The following KCND2 variants were observed in gnomAD, a reference collection of about 807,000 sequenced individuals.
KCND2 encodes A-type voltage-gated potassium channel KCND2.
A neutral mutation model predicts 54.4 loss-of-function variants in KCND2; 16 were observed. The observed-to-expected ratio is 0.29, with a 90% confidence interval of 0.20 to 0.45. The LOEUF (loss-of-function observed/expected upper bound fraction) is 0.45, where lower values mean the gene tolerates loss of function less well. KCND2 is among the 20% of genes least tolerant of loss of function. The pLI is 1.00. For synonymous variants in KCND2, 317 were observed against 310.7 expected (o/e 1.02, Z -0.21); for missense variants, 486 against 824.2 (o/e 0.59, Z 5.02).
At chr7:120,694,957 C>G (rs964328318) in intron 1 of KCND2, among the ~76,000 whole-genome samples, 1 of 152,122 alleles carries the variant, frequency 6.6e-6, no homozygotes, top group South Asian at 2.1e-4. Context: ...TACTGTAGCA[C>G]TTTTGGTCTT....
chr7:120,295,377 CACACACACACACACAG>C (rs768687978), intron 1 of KCND2, among the ~76,000 whole-genome samples: 34 of 142,824 alleles, frequency 2.4e-4, no homozygotes, highest in African/African-American at 6.8e-4. Context: ...CACACACACA[CACACACACACACACAG>C]ACACACACAC....
intron 1 of KCND2, among the ~76,000 whole-genome samples, chr7:120,568,852 G>A (rs1050380741): frequency 6.6e-6 from 1 of 151,980 alleles, no homozygotes; most frequent in African/African-American, 2.4e-5. Flanking sequence ...TATTAATTTG[G>A]TATTTGGAAT....
intron 1 of KCND2, among the ~76,000 whole-genome samples, chr7:120,675,943 C>T (rs1037987729): frequency 3.3e-5 from 5 of 151,228 alleles, no homozygotes. Context: ...CTGCAACCTC[C>T]GCCTCTTGAA....
intron 1 of KCND2, among the ~76,000 whole-genome samples, chr7:120,323,644 C>T (rs1375706637): frequency 6.8e-6 from 1 of 145,996 alleles, no homozygotes; most frequent in Non-Finnish European, 1.5e-5. Context: ...TTTTTTATGG[C>T]TGCATAGTAT....
intron 1 of KCND2, among the ~76,000 whole-genome samples, chr7:120,352,261 G>A (rs1410465903): frequency 6.6e-6 from 1 of 151,830 alleles, no homozygotes; most frequent in Non-Finnish European, 1.5e-5. Context: ...TGTAACAGTG[G>A]TCATTAACCC....
chr7:120,649,930 G>A (rs1038591016), intron 1 of KCND2, among the ~76,000 whole-genome samples: 1 of 152,190 alleles, frequency 6.6e-6, no homozygotes, highest in Non-Finnish European at 1.5e-5. Flanking sequence ...CTTTAAGAAT[G>A]TTGAATATTG....
intron 1 of KCND2, among the ~76,000 whole-genome samples, chr7:120,683,610 T>A (rs1792166393): frequency 6.6e-6 from 1 of 152,152 alleles, no homozygotes; most frequent in Non-Finnish European, 1.5e-5. Flanking sequence ...AATTCTAATA[T>A]CTAAACATGA....
chr7:120,500,989 G>GA (rs34167022), intron 1 of KCND2, among the ~76,000 whole-genome samples: 194 of 148,910 alleles, frequency 1.3e-3, no homozygotes, highest in African/African-American at 4.3e-3. Context: ...CTTTTTGTGT[G>GA]AAAAAAAAAT....
chr7:120,591,450 TA>T (rs1562881805), intron 1 of KCND2, among the ~76,000 whole-genome samples: 1 of 152,164 alleles, frequency 6.6e-6, no homozygotes, highest in Non-Finnish European at 1.5e-5. Context: ...GGCTAGAAGA[TA>T]ATAACACCAC....
intron 1 of KCND2, among the ~76,000 whole-genome samples, chr7:120,551,150 A>G (rs1792100623): frequency 3.3e-5 from 5 of 152,156 alleles, no homozygotes; most frequent in African/African-American, 1.2e-4. Flanking sequence ...TTCTCTGGGG[A>G]ATAAAGGGAA....
chr7:120,675,032 T>C (rs1437256558), intron 1 of KCND2, among the ~76,000 whole-genome samples: 1 of 151,620 alleles, frequency 6.6e-6, no homozygotes, highest in Non-Finnish European at 1.5e-5. Context: ...AAAAAAAAAC[T>C]TTTTCTACCT....
intron 1 of KCND2, among the ~76,000 whole-genome samples, chr7:120,305,464 C>T (rs574137046): frequency 9.2e-5 from 14 of 152,156 alleles, no homozygotes; most frequent in African/African-American, 3.1e-4. Context: ...GGATTTTTTC[C>T]CGTAAGTCTT....
At chr7:120,309,474 TAC>T (rs1209573900) in intron 1 of KCND2, among the ~76,000 whole-genome samples, 1,916 of 113,194 alleles carry the variant, frequency 0.017, 47 homozygotes, top group African/African-American at 0.042. Flanking sequence ...TATATATATA[TAC>T]ACACACACAC....
At chr7:120,644,621 A>G (rs117899473) in intron 1 of KCND2, among the ~76,000 whole-genome samples, 1,702 of 152,334 alleles carry the variant, frequency 0.011, 10 homozygotes, top group Non-Finnish European at 0.015. Context: ...GCAGAAATTG[A>G]TGTCATTCCG....
intron 1 of KCND2, among the ~76,000 whole-genome samples, chr7:120,732,334 A>G (rs891648432): frequency 1.3e-5 from 2 of 152,176 alleles, no homozygotes; most frequent in Non-Finnish European, 2.9e-5. Context: ...TCAAGGAGAG[A>G]ATAGTCAACT....
At chr7:120,607,049 A>G (rs535937545) in intron 1 of KCND2, among the ~76,000 whole-genome samples, 4 of 152,274 alleles carry the variant, frequency 2.6e-5, no homozygotes, top group African/African-American at 9.6e-5. Context: ...AACTAACCCT[A>G]CAGTCTTGCC....
intron 1 of KCND2, among the ~76,000 whole-genome samples, chr7:120,324,732 G>T (rs1291533261): frequency 1.7e-4 from 26 of 152,154 alleles, no homozygotes; most frequent in Admixed American, 3.9e-4. Context: ...GTCAGGTAGT[G>T]TGATGCCTCC....
At chr7:120,494,682 A>G (rs1802826270) in intron 1 of KCND2, among the ~76,000 whole-genome samples, 1 of 152,194 alleles carries the variant, frequency 6.6e-6, no homozygotes, top group African/African-American at 2.4e-5. Context: ...CTGCTAAAGT[A>G]TGGCTGGAGA....
intron 1 of KCND2, among the ~76,000 whole-genome samples, chr7:120,428,892 C>A (rs1008169615): frequency 5.3e-5 from 8 of 152,056 alleles, no homozygotes; most frequent in African/African-American, 1.9e-4. Flanking sequence ...CCTTAAAGGT[C>A]CTTTATTTTT....
Sources: gnomAD v4.1 joint callset for allele counts (sites outside exome capture counted in the v4.1 genomes callset) on GRCh38, gnomAD v4.1.1 for gene constraint, MANE v1.5 for transcripts, NCBI Gene and HGNC (gene_info 2026-07-23, HGNC 2026-07-21) for gene names.